Variants in KCNH7 observed in about 807,000 individuals in gnomAD.
The protein encoded by KCNH7 is voltage-gated inwardly rectifying potassium channel KCNH7.
Under a neutral mutation model 120.8 loss-of-function variants are expected in KCNH7, and 49 were observed. The ratio of observed to expected loss-of-function variants is 0.41; its 90% confidence interval spans 0.32 to 0.51. The LOEUF (loss-of-function observed/expected upper bound fraction) is 0.51. Among genes scored for constraint, KCNH7 ranks in the 20% least tolerant of loss-of-function variants. The pLI, the probability that KCNH7 is intolerant of heterozygous loss-of-function variation, is 0.38. For synonymous variants in KCNH7, 547 were observed against 516.1 expected (o/e 1.06, Z -0.81); for missense variants, 1,097 against 1,446.6 (o/e 0.76, Z 3.92).
chr2:162,420,416 A>AAACAG (rs1687666495), intron 9 of KCNH7, among the ~76,000 whole-genome samples: 1 of 151,996 alleles, frequency 6.6e-6, no homozygotes, highest in Non-Finnish European at 1.5e-5. Flanking sequence ...AAACAAAACA[A>AAACAG]AACACCATGA....
intron 2 of KCNH7, among the ~76,000 whole-genome samples, chr2:162,649,371 C>T (rs1365216451): frequency 1.3e-5 from 2 of 152,086 alleles, no homozygotes; most frequent in African/African-American, 4.8e-5. Flanking sequence ...AAAAGTATGC[C>T]AAACATTTGA....
intron 2 of KCNH7, among the ~76,000 whole-genome samples, chr2:162,835,725 T>C (rs1441386448): frequency 6.6e-6 from 1 of 152,076 alleles, no homozygotes; most frequent in African/African-American, 2.4e-5. Context: ...CATTTACATA[T>C]ATATTGTGTA....
At chr2:162,744,795 G>C (rs1025619951) in intron 2 of KCNH7, among the ~76,000 whole-genome samples, 1 of 151,874 alleles carries the variant, frequency 6.6e-6, no homozygotes, top group Non-Finnish European at 1.5e-5. Flanking sequence ...GGATGGTCTC[G>C]GTCTCCTGAC....
intron 2 of KCNH7, among the ~76,000 whole-genome samples, chr2:162,742,077 C>T (rs1446264852): frequency 6.6e-6 from 1 of 152,060 alleles, no homozygotes; most frequent in Non-Finnish European, 1.5e-5. Flanking sequence ...CAAATTAAGA[C>T]ATCAAAAGTT....
rs73974044 is a variant in KCNH7, at chr2:162,697,334, C to A, written c.307+139203G>T. 5.1e-3 allele frequency among the ~76,000 whole-genome samples: 770 copies of A among 152,228 alleles called. 9 individuals carry two copies. Among genetic ancestry groups the A allele is most frequent in the African/African-American group, 0.018 (733 of 41,558 alleles). ...CAATCAGCAAAATGCACACTGGGAA[C>A]TCTACAGGTCAAAAGCCCTGAGTAC... On this transcript the variant is annotated intron_variant, in intron 2 of 15. Coordinates refer to ENST00000332142, the MANE Select transcript of KCNH7 (RefSeq NM_033272.4).
At chr2:162,517,682 T>TACC in intron 4 of KCNH7, 48 bp downstream of exon 4, 1 of 1,355,124 alleles carries the variant, frequency 7.4e-7, no homozygotes, top group African/African-American at 1.5e-5. Flanking sequence ...AAATAATCAT[T>TACC]TATTACCCAT....
In KCNH7 at chr2:162,661,150, C is replaced by T. The variant is rs896180872; in HGVS notation, c.308-124070G>A. On this transcript the variant is annotated intron_variant, in intron 2 of 15. Transcript: ENST00000332142. ...AATATTACGATTCCAGTGCCCTAAC[C>T]GTACAGTGTTATAGCTCAGTTGCTA... Among the ~76,000 whole-genome samples the T allele has an allele frequency of 8.5e-5, 13 of 152,272 alleles. No homozygotes were observed. The South Asian group carries it at 1.2e-3, about 15-fold the overall frequency.
intron 2 of KCNH7, among the ~76,000 whole-genome samples, chr2:162,804,088 A>T (rs904780983): frequency 1.3e-5 from 2 of 151,814 alleles, no homozygotes; most frequent in Admixed American, 1.3e-4. Flanking sequence ...GTATATCTAA[A>T]TTCACAAATA....
At chr2:162,603,256 A>AC (rs1694620653) in intron 2 of KCNH7, among the ~76,000 whole-genome samples, 1 of 152,042 alleles carries the variant, frequency 6.6e-6, no homozygotes, top group Non-Finnish European at 1.5e-5. Context: ...TATAGATTGC[A>AC]AGAAGATAAA....
chr2:162,677,302 T>A (rs934567552), intron 2 of KCNH7, among the ~76,000 whole-genome samples: 3 of 151,380 alleles, frequency 2.0e-5, no homozygotes, highest in Non-Finnish European at 4.4e-5. Context: ...CACAGAGGAG[T>A]CAGCCAATTG....
chr2:162,457,980 A>T (rs537799811), intron 6 of KCNH7, among the ~76,000 whole-genome samples: 1 of 152,286 alleles, frequency 6.6e-6, no homozygotes, highest in South Asian at 2.1e-4. Flanking sequence ...TAAATCAAAG[A>T]TGTCACATAG....
chr2:162,699,846 C>A (rs1238771628), intron 2 of KCNH7, among the ~76,000 whole-genome samples: 1 of 152,086 alleles, frequency 6.6e-6, no homozygotes, highest in Non-Finnish European at 1.5e-5. Context: ...AGTTCTACAT[C>A]TTTAAGATAA....
chr2:162,458,466 A>G (rs1269410620), intron 6 of KCNH7, among the ~76,000 whole-genome samples: 1 of 152,062 alleles, frequency 6.6e-6, no homozygotes, highest in Non-Finnish European at 1.5e-5. Context: ...TTCTGGCCCC[A>G]CCATGTAGCT....
chr2:162,685,305 T>C (rs578119971), intron 2 of KCNH7, among the ~76,000 whole-genome samples: 1 of 152,124 alleles, frequency 6.6e-6, no homozygotes, highest in Admixed American at 6.6e-5. Flanking sequence ...GTAAAAGACC[T>C]GCACGTTCTG....
At chr2:162,739,331 A>AGTTGCTGCTGCTTCTT (rs1688033478) in intron 2 of KCNH7, among the ~76,000 whole-genome samples, 1 of 152,118 alleles carries the variant, frequency 6.6e-6, no homozygotes, top group African/African-American at 2.4e-5. Context: ...TGTTATTCCT[A>AGTTGCTGCTGCTTCTT]ATGTCAACTG....
chr2:162,441,996 C>CTTTTT (rs1558947048), intron 7 of KCNH7, among the ~76,000 whole-genome samples: 5 of 14,536 alleles, frequency 3.4e-4, no homozygotes, highest in Non-Finnish European at 5.0e-4. Flanking sequence ...ATAGTTAGGT[C>CTTTTT]TTCTTTTTTT....
chr2:162,805,777 T>C (rs1307791315), intron 2 of KCNH7, among the ~76,000 whole-genome samples: 1 of 152,042 alleles, frequency 6.6e-6, no homozygotes, highest in Non-Finnish European at 1.5e-5. Flanking sequence ...AAAAGACATA[T>C]ACATGTATGT....
rs970725852 is a variant in KCNH7, at chr2:162,781,969, T to G, written c.307+54568A>C. 2.0e-5 allele frequency among the ~76,000 whole-genome samples: 3 copies of G among 152,198 alleles called. No individual in the cohort carries two copies. The South Asian group carries it at 6.2e-4, about 31-fold the overall frequency. The stretch of plus-strand genomic sequence containing the variant: ...TGAGATGAAAATCACGATGAAAAAC[T>G]GACTGGAATTTAGGTTTTTCTAGTG... On this transcript the variant is annotated intron_variant, in intron 2 of 15. Transcript: ENST00000332142.
chr2:162,493,976 T>C (rs1690411801), intron 6 of KCNH7, among the ~76,000 whole-genome samples: 1 of 152,166 alleles, frequency 6.6e-6, no homozygotes, highest in Admixed American at 6.5e-5. Context: ...TTCCATAAAC[T>C]GAGTATTGAA....
Sources: gnomAD v4.1 joint callset for allele counts (sites outside exome capture counted in the v4.1 genomes callset) on GRCh38, gnomAD v4.1.1 for gene constraint, MANE v1.5 for transcripts, NCBI Gene and HGNC (gene_info 2026-07-23, HGNC 2026-07-21) for gene names.